ELF1: variants seen among roughly 807,000 people sequenced by gnomAD.
ELF1 encodes the protein ETS-related transcription factor Elf-1.
ELF1 carries 24 observed loss-of-function variants against 59.9 expected under a neutral mutation model. That is an observed-to-expected ratio of 0.40 (90% CI 0.29 to 0.56). The LOEUF (loss-of-function observed/expected upper bound fraction) is 0.56. Among genes scored for constraint, ELF1 ranks in the 20% least tolerant of loss-of-function variants. The pLI, the probability that ELF1 is intolerant of heterozygous loss-of-function variation, is 0.44. For synonymous variants in ELF1, 248 were observed against 266.2 expected (o/e 0.93, Z 0.67); for missense variants, 627 against 742.2 (o/e 0.84, Z 1.80).
At chr13:40,978,355 G>A (rs1285093319) in intron 2 of ELF1, among the ~76,000 whole-genome samples, 1 of 151,002 alleles carries the variant, frequency 6.6e-6, no homozygotes, top group Non-Finnish European at 1.5e-5. Context: ...TCCAGCCTGG[G>A]TGACGAGGCA....
At chr13:40,981,924 A>T in intron 2 of ELF1, 59 bp downstream of exon 2, 1 of 1,545,986 alleles carries the variant, frequency 6.5e-7, no homozygotes, top group Non-Finnish European at 8.7e-7. Flanking sequence ...TAATTTTCTG[A>T]TATGAATAGA....
exon 1 of ELF1, chr13:41,060,929 C>CGCCGCCGCCGCCGCCGCCGCT (rs1555283696): frequency 5.5e-6 from 2 of 363,526 alleles, no homozygotes; most frequent in African/African-American, 4.6e-5. Context: ...CCGCCGCCGC[C>CGCCGCCGCCGCCGCCGCCGCT]GCCGCCGCCG....
chr13:41,049,772 G>A (rs1468778055), intron 1 of ELF1, among the ~76,000 whole-genome samples: 1 of 152,118 alleles, frequency 6.6e-6, no homozygotes, highest in Non-Finnish European at 1.5e-5. Flanking sequence ...CCTACACTAT[G>A]TTAGGGGTCT....
At chr13:40,963,536 GT>G (rs1443073402) in intron 2 of ELF1, among the ~76,000 whole-genome samples, 7 of 152,294 alleles carry the variant, frequency 4.6e-5, no homozygotes, top group African/African-American at 1.7e-4. Context: ...TATATTCAAA[GT>G]TGTTCATCTC....
intron 5 of ELF1, among the ~76,000 whole-genome samples, chr13:40,944,590 A>G (rs1035081407): frequency 2.0e-5 from 3 of 152,156 alleles, no homozygotes; most frequent in African/African-American, 4.8e-5. Context: ...GTCCATCCCA[A>G]TAGCCTCAGA....
At chr13:40,957,611 G>A (rs547487643) in intron 3 of ELF1, among the ~76,000 whole-genome samples, 75 of 151,766 alleles carry the variant, frequency 4.9e-4, no homozygotes, top group Middle Eastern at 3.4e-3. Context: ...CTTCCCCTTC[G>A]CCTTCCACCA....
At chr13:41,058,616 GCA>G (rs1877373396) in intron 1 of ELF1, among the ~76,000 whole-genome samples, 1 of 152,208 alleles carries the variant, frequency 6.6e-6, no homozygotes, top group South Asian at 2.1e-4. Context: ...ATTACTGAGT[GCA>G]CAGTTGAAAA....
chr13:40,971,070 CTA>C (rs1872519885), intron 2 of ELF1, among the ~76,000 whole-genome samples: 1 of 152,102 alleles, frequency 6.6e-6, no homozygotes, highest in African/African-American at 2.4e-5. Flanking sequence ...CAATCTGACT[CTA>C]GAGTCCACAA....
At chr13:40,985,751 A>C in intron 1 of ELF1, among the ~76,000 whole-genome samples, 1 of 152,226 alleles carries the variant, frequency 6.6e-6, no homozygotes, top group East Asian at 1.9e-4. Context: ...TCGGATTAGA[A>C]AAAAGGCTTC....
intron 5 of ELF1, among the ~76,000 whole-genome samples, chr13:40,945,392 A>T (rs569629438): frequency 6.6e-4 from 100 of 152,260 alleles, no homozygotes; most frequent in Non-Finnish European, 1.3e-3. Context: ...CCCTTTGAAG[A>T]TGTCTAATTC....
intron 3 of ELF1, among the ~76,000 whole-genome samples, chr13:40,957,354 A>T (rs1042427625): frequency 1.6e-4 from 21 of 134,586 alleles, no homozygotes; most frequent in African/African-American, 5.3e-4. Flanking sequence ...TAAATTCAGG[A>T]CCCAAAAGGG....
At chr13:41,024,234 T>C (rs1253506589), upstream of ELF1, among the ~76,000 whole-genome samples, 3 of 152,222 alleles carry the variant, frequency 2.0e-5, no homozygotes, top group Non-Finnish European at 4.4e-5. Context: ...TGCCAACTCC[T>C]GGAAATGGAT....
chr13:41,030,462 G>T (rs1192785589), intron 1 of ELF1, among the ~76,000 whole-genome samples: 1 of 152,170 alleles, frequency 6.6e-6, no homozygotes, highest in Admixed American at 6.5e-5. Context: ...GTAATTTTGG[G>T]TCAGGTGTGG....
At chr13:40,994,724 A>G (rs1874044897) in intron 1 of ELF1, among the ~76,000 whole-genome samples, 1 of 152,306 alleles carries the variant, frequency 6.6e-6, no homozygotes, top group South Asian at 2.1e-4. Flanking sequence ...GAAAACATAA[A>G]CATGCTAAAA....
At position 40,949,326 on chromosome 13, in the gene ELF1, G is replaced by T. The variant is rs73176908; in HGVS notation, c.529+480C>A. On this transcript the variant is annotated intron_variant, in intron 5 of 8. Coordinates refer to ENST00000239882, the MANE Select transcript of ELF1 (RefSeq NM_172373.4). The stretch of plus-strand genomic sequence containing the variant: ...TTAAAAGAAATGATTCTACTATGAA[G>T]AAATACCTCTTTTTCTTATTTATTT... Among the ~76,000 whole-genome samples, 1,148 of 151,660 alleles carry T rather than the reference G, an allele frequency of 7.6e-3. 13 individuals carry two copies. Among genetic ancestry groups the T allele is most frequent in the Admixed American group, 0.017 (254 of 15,222 alleles).
intron 1 of ELF1, among the ~76,000 whole-genome samples, chr13:40,991,359 C>G (rs1360749332): frequency 1.3e-5 from 2 of 152,180 alleles, no homozygotes; most frequent in Non-Finnish European, 2.9e-5. Flanking sequence ...TTTCTATTTA[C>G]AGTTTTTCTG....
chr13:41,017,924 A>T (rs1171711249), intron 1 of ELF1, among the ~76,000 whole-genome samples: 3 of 152,238 alleles, frequency 2.0e-5, no homozygotes, highest in Non-Finnish European at 4.4e-5. Context: ...CAAATGGCTC[A>T]GCTGAATTGG....
At chr13:40,993,330 C>T in intron 1 of ELF1, 3 of 1,424,284 alleles carry the variant, frequency 2.1e-6, no homozygotes, top group East Asian at 4.5e-5. Context: ...GCCTTTTTCA[C>T]ATTTCAGCTA....
At chr13:41,022,134 A>G (rs1875713684), upstream of ELF1, among the ~76,000 whole-genome samples, 1 of 152,234 alleles carries the variant, frequency 6.6e-6, no homozygotes, top group South Asian at 2.1e-4. Flanking sequence ...CATTCACCAA[A>G]TATTGAAAAC....
Sources: allele counts gnomAD v4.1 joint callset (sites outside exome capture counted in the v4.1 genomes callset), GRCh38; gene constraint gnomAD v4.1.1; transcripts MANE v1.5; gene names NCBI Gene and HGNC (gene_info 2026-07-23, HGNC 2026-07-21).